The following CDKL1 variants were observed in gnomAD, a reference collection of about 807,000 sequenced individuals.
CDKL1 encodes the protein cyclin-dependent kinase-like 1.
Under a neutral mutation model 42.0 loss-of-function variants are expected in CDKL1, and 41 were observed. That is an observed-to-expected ratio of 0.98 (90% confidence interval 0.76 to 1.27). The LOEUF is 1.27. Ranked by LOEUF, CDKL1 falls within the 50% of genes most tolerant of loss-of-function variation. The probability of loss-of-function intolerance (pLI) is 0.00; values close to 1 mark genes in which losing one functional copy is unlikely to be tolerated. For synonymous variants in CDKL1, 153 were observed against 158.6 expected, an observed-to-expected ratio of 0.96 and a Z score of 0.26; for missense variants, 394 against 428.4, an observed-to-expected ratio of 0.92 and a Z score of 0.71.
chr14:50,332,216 A>G lies in CDKL1; in HGVS notation c.966+46T>C, dbSNP rs2032986778. 6.8e-6 allele frequency: 11 copies of G among 1,613,858 alleles called. 1 individual carries two copies. The East Asian group carries it at 2.2e-4, about 33-fold the overall frequency. ...CTGCCATCCTCAAGTCTAGATTCCAACTCTCTGTACCAGGTGGCAGGTAGG... is the reference window on the plus strand; with the variant it reads ...CTGCCATCCTCAAGTCTAGATTCCAGCTCTCTGTACCAGGTGGCAGGTAGG... On this transcript the variant is annotated intron_variant, in intron 9 of 9. Transcript: ENST00000395834.
chr14:50,332,608 A>G (rs974868618), intron 8 of CDKL1, 176 bp from the exon 9 acceptor site: 17 of 1,493,648 alleles, frequency 1.1e-5, no homozygotes, highest in Admixed American at 1.0e-4. Flanking sequence ...TGGCACTCAC[A>G]TATTAAATAA....
At chr14:50,340,936 A>G (rs2033492588) in intron 6 of CDKL1, 96 bp downstream of exon 6, 2 of 1,297,872 alleles carry the variant, frequency 1.5e-6, no homozygotes, top group Admixed American at 4.3e-5. Flanking sequence ...CTAATGCCTT[A>G]AAGGGCATTA....
chr14:50,369,404 A>G (rs928427538), intron 2 of CDKL1, among the ~76,000 whole-genome samples: 1 of 152,004 alleles, frequency 6.6e-6, no homozygotes, highest in Non-Finnish European at 1.5e-5. Flanking sequence ...CTCTTGCATT[A>G]TTGACTTTCT....
chr14:50,338,858 C>T, intron 7 of CDKL1, 89 bp downstream of exon 7: 1 of 851,476 alleles, frequency 1.2e-6, no homozygotes, highest in South Asian at 1.3e-5. Flanking sequence ...ACCTCCAATG[C>T]AGGGTGAGCC....
chr14:50,338,773 C>T (rs2033400761), intron 7 of CDKL1, among the ~76,000 whole-genome samples, 174 bp downstream of exon 7: 1 of 152,204 alleles, frequency 6.6e-6, no homozygotes, highest in African/African-American at 2.4e-5. Context: ...CTGTTATCAG[C>T]AGCCTCTAAA....
intron 5 of CDKL1, among the ~76,000 whole-genome samples, chr14:50,341,462 G>T (rs987890930): frequency 1.4e-4 from 19 of 138,252 alleles, no homozygotes; most frequent in African/African-American, 2.6e-4. Flanking sequence ...GGTCTGGGGG[G>T]GGGGGGGGGG....
Position 50,327,607 on chromosome 14 carries a change from G to A in CDKL1, c.*2467C>T, listed in dbSNP as rs1351615008. ...AGCGTCCCAGGTAGCTGGGATTACA[G>A]GCGCCCACCACCACGCCCAGCTAAT... On this transcript the variant is annotated 3_prime_UTR_variant, in exon 10 of 10. Transcript: ENST00000395834. The A allele has an allele frequency of 6.6e-6, 1 of 152,012 alleles. No homozygotes were observed. Among genetic ancestry groups the A allele is most frequent in the Non-Finnish European group, 1.5e-5 (1 of 68,166 alleles). 9.4% of individuals were successfully genotyped at this position (152,012 alleles called of 1,614,324 possible).
chr14:50,358,238 C>T lies in CDKL1; in HGVS notation c.290+790G>A, dbSNP rs1360566625. ...ACAACACAATTGTTTTTCACCTATGCTTGCTTCAGTTGGGTTTTTGTCACT... is the reference window on the plus strand; with the variant it reads ...ACAACACAATTGTTTTTCACCTATGTTTGCTTCAGTTGGGTTTTTGTCACT... On this transcript the variant is annotated intron_variant, in intron 3 of 9. Coordinates refer to ENST00000395834, the MANE Select transcript of CDKL1 (RefSeq NM_004196.7). 3 of 892,886 alleles carry T rather than the reference C, an allele frequency of 3.4e-6. No individual in the cohort carries two copies. In the African/African-American group the frequency reaches 5.4e-5, roughly 16 times the overall value. The allele number at this position is 892,886 out of a possible 1,614,324, so 55.3% of individuals were successfully genotyped here. A position where few individuals can be genotyped will look rare whatever the true frequency, so the allele number is the denominator to read the frequency against.
At chr14:50,348,681 C>T (rs2033806029) in intron 3 of CDKL1, among the ~76,000 whole-genome samples, 1 of 152,128 alleles carries the variant, frequency 6.6e-6, no homozygotes, top group Non-Finnish European at 1.5e-5. Context: ...TAGTGAAGCT[C>T]AGAGCTTCCA....
At chr14:50,359,303 A>T (rs1488647282) in intron 2 of CDKL1, among the ~76,000 whole-genome samples, 154 bp from the exon 3 acceptor site, 2 of 152,122 alleles carry the variant, frequency 1.3e-5, no homozygotes, top group Non-Finnish European at 2.9e-5. Context: ...CCTCTTAACA[A>T]GCTATTTGTC....
chr14:50,361,608 C>T (rs558171054), intron 2 of CDKL1, among the ~76,000 whole-genome samples: 58 of 152,342 alleles, frequency 3.8e-4, no homozygotes, highest in African/African-American at 1.3e-3. Context: ...GAGAGCACCC[C>T]CCTCAACCTT....
intron 2 of CDKL1, chr14:50,377,646 G>C (rs868787039): frequency 7.9e-7 from 1 of 1,265,026 alleles, no homozygotes; most frequent in Admixed American, 2.3e-5. Flanking sequence ...AGTGGGGTGG[G>C]AGGAGCCCAG....
At chr14:50,375,532 G>T (rs1416427812) in intron 2 of CDKL1, among the ~76,000 whole-genome samples, 1 of 152,216 alleles carries the variant, frequency 6.6e-6, no homozygotes, top group Non-Finnish European at 1.5e-5. Context: ...TCAGCCAGGT[G>T]ATCAAGGTCA....
At chr14:50,370,658 G>A (rs1200029509) in intron 2 of CDKL1, among the ~76,000 whole-genome samples, 1 of 152,108 alleles carries the variant, frequency 6.6e-6, no homozygotes, top group Non-Finnish European at 1.5e-5. Context: ...GGAAACACGG[G>A]GCTGGCATCT....
chr14:50,338,913 G>A (rs1433342829), intron 7 of CDKL1, 34 bp downstream of exon 7: 1 of 1,327,070 alleles, frequency 7.5e-7, no homozygotes, highest in East Asian at 2.3e-5. Flanking sequence ...AGCTAGCCTG[G>A]CCTACAGAGC....
chr14:50,335,943 G>A (rs1335245985), intron 7 of CDKL1: 2 of 1,336,874 alleles, frequency 1.5e-6, no homozygotes, highest in African/African-American at 1.5e-5. Context: ...CCTAAAGTAG[G>A]TTTGTATTAG....
chr14:50,330,303 A>G (rs1445251352), intron 9 of CDKL1, 122 bp from the exon 10 acceptor site: 1 of 1,229,854 alleles, frequency 8.1e-7, no homozygotes, highest in Non-Finnish European at 1.1e-6. Context: ...TTTGCACACA[A>G]TCCAGGACTT....
At chr14:50,339,697 T>A (rs975317058) in intron 6 of CDKL1, among the ~76,000 whole-genome samples, 22 of 152,176 alleles carry the variant, frequency 1.4e-4, no homozygotes, top group African/African-American at 5.1e-4. Flanking sequence ...CAATGTGACA[T>A]AATGAAACAA....
rs1555337334 is a variant in CDKL1, at chr14:50,328,924, A to AACAC, written c.*1146_*1149dup. 2 of 99,128 alleles carry AACAC rather than the reference A, an allele frequency of 2.0e-5. No individual in the cohort carries two copies. Among genetic ancestry groups the AACAC allele is most frequent in the African/African-American group, 7.6e-5 (2 of 26,314 alleles). 6.1% of individuals were successfully genotyped at this position (99,128 alleles called of 1,614,324 possible). A position where few individuals can be genotyped will look rare whatever the true frequency, so the allele number is the denominator to read the frequency against. On this transcript the variant is annotated 3_prime_UTR_variant, in exon 10 of 10. Coordinates refer to ENST00000395834, the MANE Select transcript of CDKL1 (RefSeq NM_004196.7). ...GCAGGTTTTATATATATATATAAAAAACACATATATATATATGTGTGTGTG... is the reference window on the plus strand; with the variant it reads ...GCAGGTTTTATATATATATATAAAAAACACACACATATATATATATGTGTGTGTG...
Sources: gnomAD v4.1 joint callset for allele counts (sites outside exome capture counted in the v4.1 genomes callset) on GRCh38, gnomAD v4.1.1 for gene constraint, MANE v1.5 for transcripts, NCBI Gene and HGNC (gene_info 2026-07-23, HGNC 2026-07-21) for gene names.